Variants in SACS observed in about 807,000 individuals in gnomAD.
SACS encodes sacsin.
A neutral mutation model predicts 348.0 loss-of-function variants in SACS; 197 were observed. That is an observed-to-expected ratio of 0.57 (90% CI 0.50 to 0.64). The LOEUF (loss-of-function observed/expected upper bound fraction) is 0.64. Ranked by LOEUF, SACS falls within the 30% of genes least tolerant of loss-of-function variation. The probability of loss-of-function intolerance (pLI) is 0.00; values close to 1 mark genes in which losing one functional copy is unlikely to be tolerated. For synonymous variants in SACS, 1,985 were observed against 1,910.6 expected (o/e 1.04, Z -1.02); for missense variants, 4,999 against 5,360.8 (o/e 0.93, Z 2.11).
intron 2 of SACS, among the ~76,000 whole-genome samples, chr13:23,380,171 A>AGAGAG (rs1871995608): frequency 4.0e-5 from 5 of 125,564 alleles, no homozygotes; most frequent in African/African-American, 1.5e-4. Context: ...GAGAGAGAGA[A>AGAGAG]AGAGAGGGAG....
intron 6 of SACS, among the ~76,000 whole-genome samples, chr13:23,359,943 T>TA (rs1870625806): frequency 6.6e-6 from 1 of 152,158 alleles, no homozygotes; most frequent in African/African-American, 2.4e-5. Context: ...TTAAAATAGT[T>TA]AAAGTTGGAA....
At position 23,334,436 on chromosome 13, in the gene SACS, T is replaced by A. The variant is rs773270204; in HGVS notation, c.9440A>T (p.Glu3147Val). 6.8e-6 allele frequency: 11 copies of A among 1,612,666 alleles called. No homozygotes were observed. Among genetic ancestry groups the A allele is most frequent in the Non-Finnish European group, 9.3e-6 (11 of 1,179,764 alleles). Residue 3147 changes from glutamate to valine, a missense_variant, in exon 10 of 10, where the codon GAG becomes GTG. By Grantham distance (121) the Glu-to-Val change is moderately radical (BLOSUM62 -2). Around this residue, in one of 6 missense-constraint regions of SACS, gnomAD observed 734 missense variants for 694.0 expected, o/e 1.06. Transcript: ENST00000382292. ...AAGGGGCAATCCCTCAACTTCAATC[T>A]CATTTTCTTCTGCATCTTTAAAACA... ...DYCFKDAEEN[E>V]IEVEGLPLLI...
At chr13:23,381,734 A>G (rs4583072) in intron 2 of SACS, among the ~76,000 whole-genome samples, 4,829 of 152,156 alleles carry the variant, frequency 0.032, 129 homozygotes, top group East Asian at 0.12. Context: ...ATCATATTGT[A>G]TTTTTACTAT....
At chr13:23,388,499 A>G (rs1872397139) in intron 2 of SACS, among the ~76,000 whole-genome samples, 2 of 148,202 alleles carry the variant, frequency 1.3e-5, no homozygotes, top group Admixed American at 6.8e-5. Context: ...ATATATATAT[A>G]TATATATATA....
intron 2 of SACS, among the ~76,000 whole-genome samples, chr13:23,404,771 C>G (rs550931169): frequency 1.3e-5 from 2 of 151,910 alleles, no homozygotes; most frequent in East Asian, 1.9e-4. Flanking sequence ...TTTCTATACA[C>G]CAATAATAGC....
In SACS at chr13:23,407,955, C is replaced by T. The variant is rs114891195; in HGVS notation, c.20+3265G>A. Among the ~76,000 whole-genome samples the T allele has an allele frequency of 9.4e-3, 1,425 of 152,184 alleles. 14 individuals carry two copies. Among genetic ancestry groups the T allele is most frequent in the African/African-American group, 0.032 (1,345 of 41,510 alleles). ...TTGACATTCCCCCTTAGTAATTTTC[C>T]ATGCAGTGACCCCTCACACTGCACA... On this transcript the variant is annotated intron_variant, in intron 2 of 9. Transcript: ENST00000382292.
chr13:23,380,120 C>CGTGTGTGTGTGTGTGTGTGTG (rs1491572643), intron 2 of SACS, among the ~76,000 whole-genome samples: 1 of 86,114 alleles, frequency 1.2e-5, no homozygotes, highest in African/African-American at 4.4e-5. Flanking sequence ...CTGGGATTCC[C>CGTGTGTGTGTGTGTGTGTGTG]TCGTGTGTGT....
At chr13:23,392,537 C>A (rs1479525374) in intron 2 of SACS, among the ~76,000 whole-genome samples, 1 of 152,180 alleles carries the variant, frequency 6.6e-6, no homozygotes, top group Non-Finnish European at 1.5e-5. Context: ...ACAATGGTTG[C>A]CTTTTCTCGA....
Position 23,335,327 on chromosome 13 carries a change from C to T in SACS, c.8549G>A (p.Arg2850His), listed in dbSNP as rs2137590972. ...HKNQDITLFP[R>H]GGVAACITHN... ...AGTAATGCAGGCAGCTACTCCACCA[C>T]GTGGGAAAAGAGTAATATCTTGGTT... Residue 2850 changes from arginine to histidine, a missense_variant, in exon 10 of 10, where the codon CGT (arginine) becomes CAT (histidine). Arg to His is a conservative substitution (Grantham distance 29, BLOSUM62 0). This residue lies in a region of SACS where 3,156 missense variants were observed against 3,380.1 expected (regional missense o/e 0.93). Coordinates refer to ENST00000382292, the MANE Select transcript of SACS (RefSeq NM_014363.6). The surrounding 1 kb of genome is among the most constrained non-coding windows in gnomAD (Gnocchi z 4.7). 3 of 1,613,884 alleles carry T rather than the reference C, an allele frequency of 1.9e-6. No individual in the cohort carries two copies. Among genetic ancestry groups the T allele is most frequent in the Non-Finnish European group, 2.5e-6 (3 of 1,179,866 alleles).
Position 23,337,658 on chromosome 13 carries a change from C to A in SACS, c.6218G>T (p.Arg2073Ile). Residue 2073 changes from arginine (R) to isoleucine (I), a missense_variant, in exon 10 of 10, where the codon AGA becomes ATA. Physicochemically the swap from Arg to Ile is moderately conservative, Grantham distance 97 (BLOSUM62 -3). Transcript: ENST00000382292. ...PNIQEIEAEL[R>I]DPLMIFVLNE... Reference sequence around the variant, plus strand: ...TAGAACAAAGATCATTAAAGGATCTCTAAGTTCTGCTTCAATTTCTTGAAT... The same window carrying A: ...TAGAACAAAGATCATTAAAGGATCTATAAGTTCTGCTTCAATTTCTTGAAT... The A allele has an allele frequency of 6.2e-7, 1 of 1,613,298 alleles. No homozygotes were observed. Among genetic ancestry groups the A allele is most frequent in the Non-Finnish European group, 8.5e-7 (1 of 1,179,756 alleles).
intron 7 of SACS, among the ~76,000 whole-genome samples, chr13:23,356,305 C>T (rs953411630): frequency 6.6e-6 from 1 of 152,168 alleles, no homozygotes; most frequent in Non-Finnish European, 1.5e-5. Flanking sequence ...TGGATATATA[C>T]ACTTAACCCC....
chr13:23,349,170 T>C (rs1221254645), intron 9 of SACS, among the ~76,000 whole-genome samples: 1 of 152,162 alleles, frequency 6.6e-6, no homozygotes, highest in Non-Finnish European at 1.5e-5. Context: ...GGACATCAAC[T>C]GCAAGAGTCC....
intron 2 of SACS, among the ~76,000 whole-genome samples, chr13:23,408,956 C>T (rs1303293612): frequency 6.2e-5 from 9 of 145,904 alleles, no homozygotes; most frequent in African/African-American, 2.0e-4. Context: ...AGCAAGACTC[C>T]GTCTCAAAAA....
At chr13:23,365,406 C>T in intron 5 of SACS, 129 bp from the exon 6 acceptor site, 5 of 617,888 alleles carry the variant, frequency 8.1e-6, no homozygotes, top group Non-Finnish European at 1.4e-5. Flanking sequence ...TGCAACATTA[C>T]CTTTAAGATC....
At chr13:23,420,068 C>T (rs1459977397) in intron 1 of SACS, among the ~76,000 whole-genome samples, 2 of 136,356 alleles carry the variant, frequency 1.5e-5, no homozygotes, top group Admixed American at 1.4e-4. Flanking sequence ...ACCTAGGGCC[C>T]GATAGTCACC....
Position 23,337,014 on chromosome 13 carries a change from GCTT to G in SACS, c.6859_6861del (p.Lys2287del), listed in dbSNP as rs1555251633. The G allele has an allele frequency of 6.2e-7, 1 of 1,613,902 alleles. No individual in the cohort carries two copies. The highest frequency in any genetic ancestry group is 8.5e-7 in the Non-Finnish European group (1 of 1,179,890). Reference sequence around the variant, plus strand: ...TGGTTTATAACCAGATCAACTGTTGGCTTCTTGAGTAATCCCAAAAACTCTTTA... The same window carrying G: ...TGGTTTATAACCAGATCAACTGTTGGCTTGAGTAATCCCAAAAACTCTTTA... On this transcript the variant is annotated inframe_deletion, in exon 10 of 10. Transcript: ENST00000382292.
intron 3 of SACS, among the ~76,000 whole-genome samples, chr13:23,371,538 G>A (rs1316540797): frequency 6.6e-6 from 1 of 151,768 alleles, no homozygotes; most frequent in South Asian, 2.1e-4. Flanking sequence ...CATATTAGAG[G>A]ACCAAAAAAA....
chr13:23,374,331 A>G (rs1045163041), intron 3 of SACS, among the ~76,000 whole-genome samples: 2 of 152,200 alleles, frequency 1.3e-5, no homozygotes, highest in African/African-American at 2.4e-5. Flanking sequence ...TTCACCAATA[A>G]TATTTGTATC....
At chr13:23,386,577 G>C (rs1475773799) in intron 2 of SACS, among the ~76,000 whole-genome samples, 4 of 152,124 alleles carry the variant, frequency 2.6e-5, no homozygotes, top group African/African-American at 9.7e-5. Context: ...CAGTAATAAG[G>C]CTGTTTTGCT....
Sources: gnomAD v4.1 joint callset for allele counts (sites outside exome capture counted in the v4.1 genomes callset) on GRCh38, gnomAD v4.1.1 for gene constraint, gnomAD v4.1.1 regional missense constraint, Gnocchi (gnomAD v3.1) non-coding constraint, MANE v1.5 for transcripts, NCBI Gene and HGNC (gene_info 2026-07-23, HGNC 2026-07-21) for gene names.